The following FHIT variants were observed in gnomAD, a reference collection of about 807,000 sequenced individuals.
FHIT encodes fragile histidine triad diadenosine triphosphatase, also known as bis(5'-adenosyl)-triphosphatase.
A neutral mutation model predicts 17.9 loss-of-function variants in FHIT; 19 were observed. The ratio of observed to expected loss-of-function variants is 1.06; its 90% CI spans 0.74 to 1.56. The LOEUF (loss-of-function observed/expected upper bound fraction) is 1.56, where lower values mean the gene tolerates loss of function less well. Ranked by LOEUF, FHIT falls within the 40% of genes most tolerant of loss-of-function variation. The pLI, the probability that FHIT is intolerant of heterozygous loss-of-function variation, is 0.00. For missense variants in FHIT, 248 were observed against 189.2 expected (o/e 1.31, Z -1.82); for synonymous variants, 81 against 69.7 (o/e 1.16, Z -0.81).
intron 8 of FHIT, among the ~76,000 whole-genome samples, chr3:59,919,160 G>A (rs1216216790): frequency 6.6e-6 from 1 of 152,166 alleles, no homozygotes; most frequent in African/African-American, 2.4e-5. Flanking sequence ...TGGGTCAAAT[G>A]TGTAAAGAGA....
At chr3:61,148,180 A>G (rs1245409652) in intron 2 of FHIT, among the ~76,000 whole-genome samples, 2 of 152,062 alleles carry the variant, frequency 1.3e-5, no homozygotes, top group Non-Finnish European at 2.9e-5. Flanking sequence ...TCTTTTAATG[A>G]AAAAGAAATT....
At chr3:60,772,509 G>A (rs1397722687) in intron 4 of FHIT, among the ~76,000 whole-genome samples, 2 of 152,002 alleles carry the variant, frequency 1.3e-5, no homozygotes, top group East Asian at 3.9e-4. Flanking sequence ...ATGACAGTCG[G>A]GGAGATCTGA....
At chr3:60,841,612 G>A (rs760300103) in intron 3 of FHIT, among the ~76,000 whole-genome samples, 2 of 152,192 alleles carry the variant, frequency 1.3e-5, no homozygotes, top group East Asian at 1.9e-4. Context: ...AAACCTGGTT[G>A]GGCTGGGCCA....
intron 5 of FHIT, among the ~76,000 whole-genome samples, chr3:60,311,175 AC>A (rs1255340592): frequency 2.0e-5 from 3 of 151,960 alleles, no homozygotes; most frequent in Middle Eastern, 3.2e-3. Flanking sequence ...GTCTCCTTTA[AC>A]CTCAAACATT....
intron 7 of FHIT, among the ~76,000 whole-genome samples, chr3:59,999,759 C>T (rs1406366365): frequency 6.6e-6 from 1 of 152,006 alleles, no homozygotes; most frequent in African/African-American, 2.4e-5. Context: ...AGGGGTGTGC[C>T]ACCACACCTG....
At chr3:60,336,939 G>C (rs1326553418) in intron 5 of FHIT, among the ~76,000 whole-genome samples, 1 of 151,266 alleles carries the variant, frequency 6.6e-6, no homozygotes, top group Non-Finnish European at 1.5e-5. Context: ...GAGTGTATCT[G>C]TTATGCTTGA....
chr3:60,550,901 T>C (rs977698451), intron 4 of FHIT, among the ~76,000 whole-genome samples: 2 of 152,028 alleles, frequency 1.3e-5, no homozygotes, highest in Non-Finnish European at 2.9e-5. Context: ...CAAGGAAAAA[T>C]ATTCTGATTG....
At chr3:59,900,826 C>T (rs1227529924) in intron 8 of FHIT, among the ~76,000 whole-genome samples, 1 of 152,140 alleles carries the variant, frequency 6.6e-6, no homozygotes. Flanking sequence ...GTTGGCCAAG[C>T]TGGTCTCGAA....
intron 8 of FHIT, among the ~76,000 whole-genome samples, chr3:59,903,529 A>G (rs1270828658): frequency 6.6e-6 from 1 of 152,242 alleles, no homozygotes; most frequent in African/African-American, 2.4e-5. Context: ...TACGGTTATC[A>G]TTCATTCACC....
At chr3:61,103,804 T>C (rs1049008032) in intron 2 of FHIT, among the ~76,000 whole-genome samples, 4 of 152,222 alleles carry the variant, frequency 2.6e-5, no homozygotes, top group East Asian at 1.9e-4. Flanking sequence ...TTTGCCATTA[T>C]GTAATGGCTT....
chr3:61,027,788 T>C (rs13325669), intron 3 of FHIT, among the ~76,000 whole-genome samples: 2,417 of 152,290 alleles, frequency 0.016, 68 homozygotes, highest in African/African-American at 0.055. Context: ...CAAAGCAGTG[T>C]GTGAGAATCT....
intron 7 of FHIT, among the ~76,000 whole-genome samples, chr3:59,973,034 G>C (rs1011656112): frequency 6.6e-6 from 1 of 152,028 alleles, no homozygotes; most frequent in East Asian, 1.9e-4. Context: ...ACCTCAGCTA[G>C]ACAGGGTGTG....
At chr3:60,964,113 T>C (rs541245535) in intron 3 of FHIT, among the ~76,000 whole-genome samples, 13 of 152,310 alleles carry the variant, frequency 8.5e-5, no homozygotes, top group Admixed American at 2.6e-4. Context: ...ATCTGGGTGC[T>C]CCTGTATTGG....
At chr3:59,815,218 C>T (rs539499565) in intron 8 of FHIT, among the ~76,000 whole-genome samples, 9 of 152,134 alleles carry the variant, frequency 5.9e-5, no homozygotes, top group African/African-American at 1.4e-4. Flanking sequence ...CCTGGAGCTG[C>T]AGCCCAGGCC....
At chr3:60,329,550 T>C (rs1709862571) in intron 5 of FHIT, among the ~76,000 whole-genome samples, 1 of 152,238 alleles carries the variant, frequency 6.6e-6, no homozygotes, top group South Asian at 2.1e-4. Flanking sequence ...TCTTTCTTTT[T>C]AACTGTGGAA....
At chr3:60,952,820 C>A (rs1161815035) in intron 3 of FHIT, among the ~76,000 whole-genome samples, 1 of 152,196 alleles carries the variant, frequency 6.6e-6, no homozygotes, top group South Asian at 2.1e-4. Context: ...CTTCCTTTAG[C>A]CTTTCCACAC....
At chr3:60,979,652 G>A (rs1381053067) in intron 3 of FHIT, among the ~76,000 whole-genome samples, 5 of 152,092 alleles carry the variant, frequency 3.3e-5, no homozygotes, top group Admixed American at 1.3e-4. Context: ...ACACTAAAGG[G>A]TCTCAGGGCA....
intron 1 of FHIT, among the ~76,000 whole-genome samples, chr3:61,219,337 GT>G (rs2039773694): frequency 8.9e-6 from 1 of 112,644 alleles, no homozygotes; most frequent in Non-Finnish European, 2.0e-5. Context: ...ATGTGTGTGT[GT>G]GTGTGTGTGT....
At chr3:60,528,020 C>T (rs990794951) in intron 5 of FHIT, among the ~76,000 whole-genome samples, 1 of 152,212 alleles carries the variant, frequency 6.6e-6, no homozygotes, top group African/African-American at 2.4e-5. Context: ...GCAGCCCAGG[C>T]TAGAGTGCAG....
Sources: allele counts gnomAD v4.1 joint callset (sites outside exome capture counted in the v4.1 genomes callset), GRCh38; gene constraint gnomAD v4.1.1; transcripts MANE v1.5; gene names NCBI Gene and HGNC (gene_info 2026-07-23, HGNC 2026-07-21).